Variants in NOD1 observed in about 807,000 individuals in gnomAD.
NOD1 encodes the protein nucleotide binding oligomerization domain containing 1, also known as nucleotide-binding oligomerization domain-containing protein 1.
A neutral mutation model predicts 81.2 loss-of-function variants in NOD1; 70 were observed. The ratio of observed to expected loss-of-function variants is 0.86; its 90% CI spans 0.71 to 1.05. NOD1 has a LOEUF of 1.05. NOD1 is among the 50% of genes least tolerant of loss of function. The pLI is 0.00. For missense variants in NOD1, 1,233 were observed against 1,228.0 expected, an observed-to-expected ratio of 1.00 and a Z score of -0.06; for synonymous variants, 508 against 526.9, an observed-to-expected ratio of 0.96 and a Z score of 0.49.
rs1023118401 is a variant in NOD1 at position 30,448,114 on chromosome 7, C to T, written c.2285+184G>A. The T allele has an allele frequency of 6.7e-6, 4 of 598,218 alleles. No individual in the cohort carries two copies. The Admixed American group carries it at 8.9e-5, about 13-fold the overall frequency. The allele number at this position is 598,218 out of a possible 1,614,324, so 37.1% of individuals were successfully genotyped here. On this transcript the variant is annotated intron_variant, in intron 7 of 13. Coordinates refer to ENST00000222823, the MANE Select transcript of NOD1 (RefSeq NM_006092.4). ...AGTTTTACAGGTGAGGAGGCTGAGGCTCAGCAAGACTTCATGACTGGCCGA... is the reference window on the plus strand; with the variant it reads ...AGTTTTACAGGTGAGGAGGCTGAGGTTCAGCAAGACTTCATGACTGGCCGA...
At chr7:30,446,321 T>C in intron 8 of NOD1, 97 bp from the exon 9 acceptor site, 1 of 897,356 alleles carries the variant, frequency 1.1e-6, no homozygotes, top group Admixed American at 1.7e-5. Flanking sequence ...CAGCCCCATC[T>C]TGGGAACCGT....
intron 1 of NOD1, among the ~76,000 whole-genome samples, chr7:30,463,254 C>G (rs1787339664): frequency 6.6e-6 from 1 of 152,122 alleles, no homozygotes; most frequent in Non-Finnish European, 1.5e-5. Context: ...TATGAAATTA[C>G]ACTTCCATGA....
At chr7:30,477,855 C>A (rs1788949877) in intron 1 of NOD1, among the ~76,000 whole-genome samples, 1 of 145,954 alleles carries the variant, frequency 6.9e-6, no homozygotes, top group African/African-American at 2.7e-5. Flanking sequence ...GGCCAGAAGT[C>A]ATCAAGGCCA....
chr7:30,448,204 G>A (rs933169590), intron 7 of NOD1, 94 bp downstream of exon 7: 28 of 1,056,576 alleles, frequency 2.7e-5, no homozygotes, highest in South Asian at 6.4e-5. Context: ...TGGGCCATCC[G>A]TGCCGATCAT....
chr7:30,439,035 G>A (rs1425814026), intron 9 of NOD1, among the ~76,000 whole-genome samples: 1 of 152,162 alleles, frequency 6.6e-6, no homozygotes, highest in Non-Finnish European at 1.5e-5. Context: ...ACCACAATGA[G>A]ACAGGACCTC....
chr7:30,425,845 C>CAGATAGTT (rs1783403667), intron 13 of NOD1, 135 bp from the exon 14 acceptor site: 3 of 707,932 alleles, frequency 4.2e-6, no homozygotes. Context: ...AAGGAACATA[C>CAGATAGTT]CCTTTGCAGA....
At chr7:30,432,161 G>C (rs1270340962) in intron 12 of NOD1, among the ~76,000 whole-genome samples, 1 of 151,588 alleles carries the variant, frequency 6.6e-6, no homozygotes, top group African/African-American at 2.4e-5. Context: ...CAAGAAAGAG[G>C]AAAAACTCCA....
chr7:30,427,479 G>C (rs1783555451), intron 13 of NOD1, among the ~76,000 whole-genome samples: 2 of 152,230 alleles, frequency 1.3e-5, no homozygotes, highest in Non-Finnish European at 2.9e-5. Flanking sequence ...TGGTGTGGCA[G>C]TCCCTGGCAG....
chr7:30,430,766 G>C (rs1350970922), intron 12 of NOD1, among the ~76,000 whole-genome samples: 1 of 152,144 alleles, frequency 6.6e-6, no homozygotes, highest in East Asian at 1.9e-4. Flanking sequence ...ACAGTGTCCA[G>C]GGGGAAGGGA....
chr7:30,424,855 G>T lies in NOD1; in HGVS notation c.*783C>A, dbSNP rs372928911. 6.6e-6 allele frequency: 1 copy of T among 152,278 alleles called. No individual in the cohort carries two copies. The highest frequency in any genetic ancestry group is 1.5e-5 in the Non-Finnish European group (1 of 68,108). The allele number at this position is 152,278 out of a possible 1,614,324, so 9.4% of individuals were successfully genotyped here. On this transcript the variant is annotated 3_prime_UTR_variant, in exon 14 of 14. Transcript: ENST00000222823. ...TCACTTCTTCCCAAGGCCAGACACTGTAGCCCATGGTACTCAGCCTTCTAG... is the reference window on the plus strand; with the variant it reads ...TCACTTCTTCCCAAGGCCAGACACTTTAGCCCATGGTACTCAGCCTTCTAG...
At chr7:30,457,278 A>T (rs10951267) in intron 3 of NOD1, among the ~76,000 whole-genome samples, 1 of 151,790 alleles carries the variant, frequency 6.6e-6, no homozygotes, top group South Asian at 2.1e-4. Flanking sequence ...ATAGTGAGAC[A>T]CCCATCTCTA....
At chr7:30,449,483 A>G (rs1344523449) in intron 6 of NOD1, among the ~76,000 whole-genome samples, 2 of 152,180 alleles carry the variant, frequency 1.3e-5, no homozygotes, top group Non-Finnish European at 2.9e-5. Flanking sequence ...CATGCTCTCA[A>G]TCTTTGCCCT....
intron 12 of NOD1, among the ~76,000 whole-genome samples, chr7:30,432,039 A>T (rs1214606630): frequency 6.6e-6 from 1 of 152,174 alleles, no homozygotes; most frequent in Non-Finnish European, 1.5e-5. Context: ...CAGGAGGTGG[A>T]GGTTGCAGAG....
At chr7:30,472,137 A>G (rs549838522) in intron 1 of NOD1, among the ~76,000 whole-genome samples, 1 of 152,370 alleles carries the variant, frequency 6.6e-6, no homozygotes, top group African/African-American at 2.4e-5. Flanking sequence ...GACAGGAAAA[A>G]GTCAGGAGGG....
At position 30,456,793 on chromosome 7, in the gene NOD1, G is replaced by A. The variant is rs1352025601; in HGVS notation, c.129C>T (p.Asn43=). The A allele has an allele frequency of 4.3e-6, 7 of 1,614,102 alleles. No homozygotes were observed. The Admixed American group carries it at 1.2e-4, about 27-fold the overall frequency. ...HIRNTQCLVD[N]LLKNDYFSAE... ...CCGAGAAGTAGTCATTCTTCAGCAA[G>A]TTGTCCACCAGACACTGAGTATTGC... Residue 43 remains asparagine, a synonymous_variant, in exon 4 of 14, where the codon AAC becomes AAT. Transcript: ENST00000222823.
chr7:30,426,377 C>T (rs1783457763), intron 13 of NOD1, among the ~76,000 whole-genome samples: 1 of 151,570 alleles, frequency 6.6e-6, no homozygotes, highest in Non-Finnish European at 1.5e-5. Context: ...TTCTCATCCC[C>T]ATGTTCCTTG....
intron 9 of NOD1, among the ~76,000 whole-genome samples, chr7:30,438,409 G>C (rs935216694): frequency 5.3e-5 from 8 of 152,246 alleles, no homozygotes; most frequent in Non-Finnish European, 2.9e-5. Flanking sequence ...GGGATAATTA[G>C]AGCATTCCGT....
intron 13 of NOD1, 99 bp downstream of exon 13, chr7:30,429,275 G>A: frequency 3.1e-6 from 3 of 979,458 alleles, no homozygotes; most frequent in Non-Finnish European, 1.7e-6. Context: ...GGTTGCTGGA[G>A]GAATAAACAG....
rs781005783 is a variant in NOD1, at chr7:30,452,614, A to G, written c.803T>C (p.Val268Ala). The change falls in exon 6 of 14, where the codon GTG (valine) becomes GCG (alanine). Residue 268 changes from valine to alanine, a missense_variant. Transcript: ENST00000222823. ...YCYPERDPEEVFAFLLRFPHV... is the reference protein window; with the variant it reads ...YCYPERDPEEAFAFLLRFPHV... ...GGGGAAGCGCAGCAGGAAGGCAAAC[A>G]CCTCCTCGGGGTCCCGCTCTGGGTA... 1 of 1,613,474 alleles carries G rather than the reference A, an allele frequency of 6.2e-7. No individual in the cohort carries two copies. Among genetic ancestry groups the G allele is most frequent in the Non-Finnish European group, 8.5e-7 (1 of 1,179,978 alleles).
Sources: allele counts gnomAD v4.1 joint callset (sites outside exome capture counted in the v4.1 genomes callset), GRCh38; gene constraint gnomAD v4.1.1; transcripts MANE v1.5; gene names NCBI Gene and HGNC (gene_info 2026-07-23, HGNC 2026-07-21).